COL23A1: variants seen among roughly 807,000 people sequenced by gnomAD.
COL23A1 encodes collagen alpha-1(XXIII) chain.
Under a neutral mutation model 99.3 loss-of-function variants are expected in COL23A1, and 97 were observed. The observed-to-expected ratio is 0.98, with a 90% CI of 0.83 to 1.16. COL23A1 has a LOEUF of 1.16. Among genes scored for constraint, COL23A1 ranks in the 50% most tolerant of loss-of-function variants. The pLI is 0.00. For missense variants in COL23A1, 762 were observed against 757.4 expected (o/e 1.01, Z -0.07); for synonymous variants, 320 against 308.2 (o/e 1.04, Z -0.40).
Position 178,261,048 on chromosome 5 carries a change from G to A in COL23A1, c.702+674C>T, listed in dbSNP as rs535726112. On this transcript the variant is annotated intron_variant, in intron 11 of 28. Transcript: ENST00000390654. ...GTAGCAAGTGGGGGATGTCCACAGCGGGGGAGGGGGATATGGAAATTCTGT... is the reference window on the plus strand; with the variant it reads ...GTAGCAAGTGGGGGATGTCCACAGCAGGGGAGGGGGATATGGAAATTCTGT... Among the ~76,000 whole-genome samples, 286 of 152,270 alleles carry A rather than the reference G, an allele frequency of 1.9e-3. 3 individuals carry two copies. Among genetic ancestry groups the A allele is most frequent in the Admixed American group, 4.8e-3 (74 of 15,298 alleles).
At chr5:178,311,154 A>C (rs997496257) in intron 2 of COL23A1, among the ~76,000 whole-genome samples, 2 of 152,160 alleles carry the variant, frequency 1.3e-5, no homozygotes, top group African/African-American at 4.8e-5. Flanking sequence ...GGGTGCCACC[A>C]CAGTGGCATC....
rs1758613931 is a variant in COL23A1, at chr5:178,310,498, G to A, written c.362-3579C>T. Among the ~76,000 whole-genome samples, 2 of 152,238 alleles carry A rather than the reference G, an allele frequency of 1.3e-5. No homozygotes were observed. The highest frequency in any genetic ancestry group is 4.1e-4 in the South Asian group (2 of 4,826). On this transcript the variant is annotated intron_variant, in intron 2 of 28. Coordinates refer to ENST00000390654, the MANE Select transcript of COL23A1 (RefSeq NM_173465.4). This position sits in a 1 kb window ranked among gnomAD's most constrained non-coding sequence, Gnocchi z 4.3. ...AGAAGGTGCTAGTGTTCCCTGCACAGATGAGAACTCTGGGGCTAAGCCAGG... is the reference window on the plus strand; with the variant it reads ...AGAAGGTGCTAGTGTTCCCTGCACAAATGAGAACTCTGGGGCTAAGCCAGG...
At chr5:178,562,683 C>T (rs1762642540) in intron 1 of COL23A1, 1 of 148,510 alleles carries the variant, frequency 6.7e-6, no homozygotes, top group Admixed American at 6.8e-5. Context: ...AGCAAAAGAA[C>T]AAAGCTCCCA....
At chr5:178,551,319 A>C (rs1380689700) in intron 2 of COL23A1, among the ~76,000 whole-genome samples, 1 of 151,996 alleles carries the variant, frequency 6.6e-6, no homozygotes, top group Admixed American at 6.6e-5. Flanking sequence ...AGAAACTTCA[A>C]GATCTTTATT....
chr5:178,363,198 A>G (rs140182304), intron 2 of COL23A1, among the ~76,000 whole-genome samples: 35 of 152,120 alleles, frequency 2.3e-4, no homozygotes, highest in Non-Finnish European at 4.6e-4. Flanking sequence ...GGCACTAAGC[A>G]TCAGCCCATG....
At chr5:178,341,096 CA>C (rs1177288974) in intron 2 of COL23A1, among the ~76,000 whole-genome samples, 1 of 152,216 alleles carries the variant, frequency 6.6e-6, no homozygotes, top group African/African-American at 2.4e-5. Context: ...TGCATCCCCC[CA>C]CTCCCTGTCC....
chr5:178,432,033 A>G (rs1312648333), intron 2 of COL23A1, among the ~76,000 whole-genome samples: 1 of 152,236 alleles, frequency 6.6e-6, no homozygotes, highest in Non-Finnish European at 1.5e-5. Flanking sequence ...GAAATCTAAG[A>G]AGTTAAAAGT....
chr5:178,572,685 A>G (rs1369891191), intron 1 of COL23A1, among the ~76,000 whole-genome samples: 1 of 152,254 alleles, frequency 6.6e-6, no homozygotes, highest in Non-Finnish European at 1.5e-5. Context: ...TTTACATCCA[A>G]GAGAAATGAA....
chr5:178,294,613 T>C (rs114211806), intron 3 of COL23A1, among the ~76,000 whole-genome samples: 2,965 of 151,100 alleles, frequency 0.02, 103 homozygotes, highest in African/African-American at 0.055. Context: ...AAAAATGAAA[T>C]TGGATCCCTG....
intron 2 of COL23A1, among the ~76,000 whole-genome samples, chr5:178,423,283 C>A (rs925112551): frequency 1.3e-5 from 2 of 152,100 alleles, no homozygotes; most frequent in Non-Finnish European, 2.9e-5. Context: ...CTGGGTCCAG[C>A]CTGAATTTTG....
chr5:178,526,556 T>C (rs1245105762), intron 2 of COL23A1, among the ~76,000 whole-genome samples: 1 of 152,134 alleles, frequency 6.6e-6, no homozygotes, highest in African/African-American at 2.4e-5. Context: ...CAGAGCCCAG[T>C]AAATTCTCTT....
At chr5:178,409,662 A>G (rs1764963329) in intron 2 of COL23A1, among the ~76,000 whole-genome samples, 1 of 152,264 alleles carries the variant, frequency 6.6e-6, no homozygotes, top group South Asian at 2.1e-4. Flanking sequence ...TTTGAAAATG[A>G]AAGGTAAAAT....
At chr5:178,386,836 G>A (rs890512181) in intron 2 of COL23A1, among the ~76,000 whole-genome samples, 1 of 152,176 alleles carries the variant, frequency 6.6e-6, no homozygotes, top group African/African-American at 2.4e-5. Context: ...TATGGCCGTG[G>A]GGAGGTGACC....
rs1282538996 is a variant in COL23A1 at position 178,366,018 on chromosome 5, A to G, written c.362-59099T>C. On this transcript the variant is annotated intron_variant, in intron 2 of 28. Transcript: ENST00000390654. The surrounding 1 kb of genome is among the most constrained non-coding windows in gnomAD (Gnocchi z 4.4). ...GTCACTCCTCACGGCCTGTGAGTTCACCTCTTCATCTGAGCTCGCTTCAGA... is the reference window on the plus strand; with the variant it reads ...GTCACTCCTCACGGCCTGTGAGTTCGCCTCTTCATCTGAGCTCGCTTCAGA... 1.3e-5 allele frequency among the ~76,000 whole-genome samples: 2 copies of G among 151,894 alleles called. No homozygotes were observed. Among genetic ancestry groups the G allele is most frequent in the Non-Finnish European group, 2.9e-5 (2 of 67,956 alleles).
At chr5:178,563,425 C>G (rs1581646151) in intron 1 of COL23A1, among the ~76,000 whole-genome samples, 1 of 152,080 alleles carries the variant, frequency 6.6e-6, no homozygotes, top group East Asian at 1.9e-4. Context: ...CCATGAGGGG[C>G]TGAGGCTTCT....
intron 4 of COL23A1, among the ~76,000 whole-genome samples, chr5:178,289,611 G>A (rs922707513): frequency 2.0e-5 from 3 of 152,184 alleles, no homozygotes; most frequent in East Asian, 1.9e-4. Context: ...GGTCAAGCCC[G>A]ACTAATTCCT....
intron 9 of COL23A1, among the ~76,000 whole-genome samples, chr5:178,262,631 C>A (rs1405850800): frequency 6.6e-6 from 1 of 152,036 alleles, no homozygotes; most frequent in Non-Finnish European, 1.5e-5. Flanking sequence ...TGGGGCCTGG[C>A]CTCTAGACTT....
At chr5:178,577,059 G>C (rs1404236214) in intron 1 of COL23A1, among the ~76,000 whole-genome samples, 3 of 152,088 alleles carry the variant, frequency 2.0e-5, no homozygotes. Context: ...ACTCCCCGCC[G>C]GGGTCCTCCC....
intron 2 of COL23A1, among the ~76,000 whole-genome samples, chr5:178,412,694 C>A (rs1465228930): frequency 1.3e-5 from 2 of 151,996 alleles, no homozygotes; most frequent in African/African-American, 2.4e-5. Context: ...ACATTTTACT[C>A]TTTTTTTGAA....
Sources: gnomAD v4.1 joint callset for allele counts (sites outside exome capture counted in the v4.1 genomes callset) on GRCh38, gnomAD v4.1.1 for gene constraint, Gnocchi (gnomAD v3.1) non-coding constraint, MANE v1.5 for transcripts, NCBI Gene and HGNC (gene_info 2026-07-23, HGNC 2026-07-21) for gene names.